MGAT5: variants seen among roughly 807,000 people sequenced by gnomAD.
The protein encoded by MGAT5 is alpha-1,6-mannosylglycoprotein 6-beta-N-acetylglucosaminyltransferase A.
In MGAT5, 30 loss-of-function variants were observed where a neutral mutation model predicts 94.3. The observed-to-expected ratio is 0.32, with a 90% CI of 0.24 to 0.43. The LOEUF is 0.43. Among genes scored for constraint, MGAT5 ranks in the 20% least tolerant of loss-of-function variants. The pLI, the probability that MGAT5 is intolerant of heterozygous loss-of-function variation, is 1.00. For synonymous variants in MGAT5, 310 were observed against 322.9 expected (o/e 0.96, Z 0.43); for missense variants, 691 against 905.5 (o/e 0.76, Z 3.04).
intron 1 of MGAT5, among the ~76,000 whole-genome samples, chr2:134,207,412 A>T (rs1558988193): frequency 6.6e-6 from 1 of 152,168 alleles, no homozygotes; most frequent in Non-Finnish European, 1.5e-5. Flanking sequence ...TAAGGTGAAT[A>T]GTTAGGTCTT....
At chr2:134,215,512 A>G (rs1680446987) in intron 1 of MGAT5, among the ~76,000 whole-genome samples, 1 of 152,162 alleles carries the variant, frequency 6.6e-6, no homozygotes, top group East Asian at 1.9e-4. Context: ...GAGGGACCAA[A>G]CATGAGAAGG....
At chr2:134,124,881 C>A (rs1573699360) in intron 1 of MGAT5, among the ~76,000 whole-genome samples, 2 of 152,246 alleles carry the variant, frequency 1.3e-5, no homozygotes, top group African/African-American at 4.8e-5. Flanking sequence ...CACCCACCCA[C>A]TCCTGTTTGA....
At chr2:134,277,712 A>G (rs1254015687) in intron 2 of MGAT5, among the ~76,000 whole-genome samples, 1 of 152,254 alleles carries the variant, frequency 6.6e-6, no homozygotes, top group East Asian at 1.9e-4. Context: ...ATTACAGTTT[A>G]AAAGTTACAT....
chr2:134,178,640 T>C (rs1198227801), intron 1 of MGAT5, among the ~76,000 whole-genome samples: 8 of 152,178 alleles, frequency 5.3e-5, no homozygotes, highest in Non-Finnish European at 2.9e-5. Flanking sequence ...AAAAGGCAGA[T>C]GGCTGTGGCA....
intron 1 of MGAT5, 147 bp downstream of exon 1, chr2:134,254,791 T>C: frequency 1.7e-6 from 2 of 1,190,664 alleles, no homozygotes; most frequent in Non-Finnish European, 2.4e-6. Flanking sequence ...GAGGCATCTT[T>C]AGGAAATTAA....
chr2:134,278,392 ACT>A (rs1345064492), intron 2 of MGAT5, among the ~76,000 whole-genome samples: 1 of 151,788 alleles, frequency 6.6e-6, no homozygotes, highest in South Asian at 2.1e-4. Context: ...AGTTTTGGCA[ACT>A]CTCTAGAGCA....
intron 2 of MGAT5, among the ~76,000 whole-genome samples, chr2:134,292,459 G>A (rs1225610080): frequency 6.6e-6 from 1 of 152,194 alleles, no homozygotes; most frequent in Non-Finnish European, 1.5e-5. Flanking sequence ...GGTGCATTGG[G>A]TAAAAGGAGA....
At chr2:134,443,384 G>A (rs1685595266) in intron 15 of MGAT5, among the ~76,000 whole-genome samples, 3 of 152,154 alleles carry the variant, frequency 2.0e-5, no homozygotes, top group African/African-American at 7.2e-5. Context: ...TAGAGACAGG[G>A]TTTTACCATG....
At chr2:134,260,689 CT>C (rs1683269834) in intron 1 of MGAT5, among the ~76,000 whole-genome samples, 2 of 134,344 alleles carry the variant, frequency 1.5e-5, no homozygotes, top group African/African-American at 5.9e-5. Context: ...GGAATGGTTT[CT>C]TTTTTCTTTT....
At chr2:134,319,867 T>C (rs1687215656) in intron 4 of MGAT5, 1 of 256,904 alleles carries the variant, frequency 3.9e-6, no homozygotes. Context: ...TATGCTCAAT[T>C]TGGTAACCTG....
At chr2:134,223,548 T>C (rs1252476248) in intron 1 of MGAT5, among the ~76,000 whole-genome samples, 1 of 152,164 alleles carries the variant, frequency 6.6e-6, no homozygotes, top group East Asian at 1.9e-4. Flanking sequence ...TGAAGAAAAA[T>C]TATAATCTGC....
At chr2:134,435,933 T>A (rs560322701) in intron 14 of MGAT5, among the ~76,000 whole-genome samples, 1 of 152,310 alleles carries the variant, frequency 6.6e-6, no homozygotes, top group South Asian at 2.1e-4. Flanking sequence ...GAGAAGAAGC[T>A]ATGACAGGGG....
chr2:134,249,862 G>A (rs1034262494), upstream of MGAT5, among the ~76,000 whole-genome samples: 7 of 152,182 alleles, frequency 4.6e-5, no homozygotes, highest in Non-Finnish European at 1.0e-4. Flanking sequence ...CACTGGCTGC[G>A]CCATTTGATA....
chr2:134,164,910 A>G (rs1405342371), intron 1 of MGAT5, among the ~76,000 whole-genome samples: 3 of 152,098 alleles, frequency 2.0e-5, no homozygotes, highest in African/African-American at 7.2e-5. Flanking sequence ...AAACGTGAGT[A>G]TGGCCACATT....
chr2:134,163,860 A>T (rs960151576), intron 1 of MGAT5, among the ~76,000 whole-genome samples: 2 of 152,234 alleles, frequency 1.3e-5, no homozygotes, highest in African/African-American at 4.8e-5. Context: ...CAGAAGTAGC[A>T]TTATGACTTG....
At chr2:134,171,816 C>T (rs1383980956) in intron 1 of MGAT5, among the ~76,000 whole-genome samples, 2 of 152,158 alleles carry the variant, frequency 1.3e-5, no homozygotes, top group African/African-American at 4.8e-5. Context: ...AGCAGATACT[C>T]ACCTGGGCTA....
intron 1 of MGAT5, among the ~76,000 whole-genome samples, chr2:134,138,212 G>GT (rs1474644751): frequency 8.1e-5 from 2 of 24,552 alleles, no homozygotes; most frequent in African/African-American, 1.7e-4. Flanking sequence ...TTCTATCATT[G>GT]CCCTTTTTTT....
At chr2:134,154,606 C>G (rs962946835) in intron 1 of MGAT5, among the ~76,000 whole-genome samples, 1 of 152,130 alleles carries the variant, frequency 6.6e-6, no homozygotes, top group Non-Finnish European at 1.5e-5. Flanking sequence ...ATTATCTACC[C>G]CACAACACTC....
chr2:134,207,627 T>G (rs1397267718), intron 1 of MGAT5, among the ~76,000 whole-genome samples: 1 of 152,122 alleles, frequency 6.6e-6, no homozygotes, highest in Non-Finnish European at 1.5e-5. Context: ...ACTGATCGTT[T>G]ACTTCTGCTA....
Sources: allele counts gnomAD v4.1 joint callset (sites outside exome capture counted in the v4.1 genomes callset), GRCh38; gene constraint gnomAD v4.1.1; transcripts MANE v1.5; gene names NCBI Gene and HGNC (gene_info 2026-07-23, HGNC 2026-07-21).